The following PRKG1 variants were observed in gnomAD, a reference collection of about 807,000 sequenced individuals.
PRKG1 encodes protein kinase cGMP-dependent 1.
PRKG1 carries 35 observed loss-of-function variants against 88.1 expected under a neutral mutation model. The ratio of observed to expected loss-of-function variants is 0.40; its 90% CI spans 0.30 to 0.53. The LOEUF (loss-of-function observed/expected upper bound fraction) is 0.53. Ranked by LOEUF, PRKG1 falls within the 20% of genes least tolerant of loss-of-function variation. PRKG1 has a pLI of 0.59. For missense variants in PRKG1, 540 were observed against 839.8 expected, an observed-to-expected ratio of 0.64 and a Z score of 4.41; for synonymous variants, 303 against 292.5, an observed-to-expected ratio of 1.04 and a Z score of -0.37.
intron 3 of PRKG1, among the ~76,000 whole-genome samples, chr10:51,775,261 T>A (rs1406246142): frequency 6.6e-6 from 1 of 152,142 alleles, no homozygotes; most frequent in Non-Finnish European, 1.5e-5. Context: ...AACTGGTTGT[T>A]TTAGTGCACA....
chr10:51,172,325 G>A (rs549606753), intron 2 of PRKG1, among the ~76,000 whole-genome samples: 5 of 151,916 alleles, frequency 3.3e-5, no homozygotes, highest in Non-Finnish European at 7.4e-5. Context: ...AACAAAAGGG[G>A]CATAAGCTAT....
intron 2 of PRKG1, chr10:51,302,551 C>A: frequency 1.2e-5 from 1 of 86,414 alleles, no homozygotes; most frequent in Admixed American, 1.7e-4. Context: ...GGTAGCAAAA[C>A]ATCACTTTTT....
At chr10:52,220,159 T>C (rs1042340844) in intron 9 of PRKG1, among the ~76,000 whole-genome samples, 5 of 152,092 alleles carry the variant, frequency 3.3e-5, no homozygotes, top group South Asian at 2.1e-4. Flanking sequence ...GTGAGTAGGA[T>C]TGAAGTATGA....
intron 2 of PRKG1, among the ~76,000 whole-genome samples, chr10:51,276,379 G>A (rs1840118009): frequency 1.3e-5 from 2 of 152,182 alleles, no homozygotes; most frequent in Admixed American, 1.3e-4. Flanking sequence ...GGACATTTGG[G>A]TTGGTTCCAA....
chr10:51,667,630 C>T (rs1840454507), intron 3 of PRKG1, among the ~76,000 whole-genome samples: 2 of 152,158 alleles, frequency 1.3e-5, no homozygotes, highest in Admixed American at 6.5e-5. Flanking sequence ...GAGTGAGCAT[C>T]GTAGAAGTCC....
intron 2 of PRKG1, among the ~76,000 whole-genome samples, chr10:51,261,480 A>G (rs1839702825): frequency 1.3e-5 from 2 of 152,232 alleles, no homozygotes; most frequent in African/African-American, 4.8e-5. Flanking sequence ...CATTTCAGTG[A>G]TAAACAATAT....
intron 5 of PRKG1, among the ~76,000 whole-genome samples, chr10:51,927,445 C>CCA (rs1363268154): frequency 6.6e-6 from 1 of 152,100 alleles, no homozygotes; most frequent in Admixed American, 6.6e-5. Flanking sequence ...TTGGGTATGT[C>CCA]TTTATCAGCA....
intron 1 of PRKG1, among the ~76,000 whole-genome samples, chr10:51,135,019 C>G (rs1429855394): frequency 6.6e-6 from 1 of 152,182 alleles, no homozygotes; most frequent in Non-Finnish European, 1.5e-5. Flanking sequence ...ATCAGACATT[C>G]ATTCCCTGTC....
At chr10:52,100,332 A>T (rs750613284) in intron 7 of PRKG1, among the ~76,000 whole-genome samples, 4 of 152,248 alleles carry the variant, frequency 2.6e-5, no homozygotes, top group Non-Finnish European at 4.4e-5. Context: ...CTAGTTTTCC[A>T]GGAGCACTAA....
At chr10:51,187,268 C>T (rs1837516460) in intron 2 of PRKG1, among the ~76,000 whole-genome samples, 1 of 151,704 alleles carries the variant, frequency 6.6e-6, no homozygotes, top group South Asian at 2.1e-4. Context: ...CTGGACCTTT[C>T]CTGGAAAATG....
intron 3 of PRKG1, among the ~76,000 whole-genome samples, chr10:51,667,024 A>G (rs1840439228): frequency 1.3e-5 from 2 of 151,758 alleles, no homozygotes; most frequent in Non-Finnish European, 2.9e-5. Flanking sequence ...CTGGTCTCGA[A>G]CTCCTGGGCT....
chr10:51,088,915 A>G (rs1293579686), intron 1 of PRKG1, among the ~76,000 whole-genome samples: 1 of 150,578 alleles, frequency 6.6e-6, no homozygotes, highest in African/African-American at 2.5e-5. Flanking sequence ...TTGGAAACCT[A>G]TGTCACTGAG....
intron 3 of PRKG1, among the ~76,000 whole-genome samples, chr10:51,676,016 TC>T (rs1840701128): frequency 6.6e-6 from 1 of 151,908 alleles, no homozygotes; most frequent in Non-Finnish European, 1.5e-5. Flanking sequence ...GTGCTAGTAA[TC>T]CTAGCATTTT....
intron 5 of PRKG1, among the ~76,000 whole-genome samples, chr10:52,013,844 C>A (rs1160951703): frequency 6.6e-6 from 1 of 152,164 alleles, no homozygotes; most frequent in Admixed American, 6.5e-5. Flanking sequence ...ATATCACTCA[C>A]TTTTCTCTTT....
chr10:51,212,142 A>G (rs1838238919), intron 2 of PRKG1, among the ~76,000 whole-genome samples: 2 of 152,112 alleles, frequency 1.3e-5, no homozygotes, highest in Admixed American at 1.3e-4. Context: ...AACAGAACAG[A>G]GCCCTCAGAA....
chr10:51,741,145 G>GAA lies in PRKG1; in HGVS notation c.593-63431_593-63430dup, dbSNP rs35810235. Among the ~76,000 whole-genome samples, 207 of 147,566 alleles carry GAA rather than the reference G, an allele frequency of 1.4e-3. 1 individual carries two copies. The highest frequency in any genetic ancestry group is 4.5e-3 in the African/African-American group (182 of 40,292). ...GGTGGATCTGAATGAAACCTTTGGT[G>GAA]AAAAAAAAAAGACATTGAAATAACT... is the stretch of plus-strand genomic sequence containing the variant. On this transcript the variant is annotated intron_variant, in intron 3 of 17. Transcript: ENST00000373980.
At chr10:51,980,416 C>A (rs1171285464) in intron 5 of PRKG1, among the ~76,000 whole-genome samples, 4 of 151,984 alleles carry the variant, frequency 2.6e-5, no homozygotes, top group African/African-American at 9.7e-5. Flanking sequence ...ATTGATTTTA[C>A]AATATGTGCC....
chr10:52,282,242 C>T lies in PRKG1; in HGVS notation c.1635C>T (p.Ile545=), dbSNP rs562736939. 4.1e-5 allele frequency: 66 copies of T among 1,611,890 alleles called. No homozygotes were observed. The South Asian group carries it at 6.8e-4, about 17-fold the overall frequency. The part of the protein sequence containing the change: ...GTPEYVAPEI[I]LNKGHDISAD... ...CAGAGTATGTAGCCCCAGAGATCAT[C>T]CTGAACAAAGGCCATGACATTTCAG... The change falls in exon 14 of 18, where the codon ATC becomes ATT. Residue 545 remains isoleucine (I), a synonymous_variant. Transcript: ENST00000373980.
At chr10:51,146,121 G>A (rs944108915) in intron 1 of PRKG1, among the ~76,000 whole-genome samples, 7 of 151,792 alleles carry the variant, frequency 4.6e-5, no homozygotes, top group East Asian at 1.9e-4. Flanking sequence ...CCCGGGAGGC[G>A]GAGCTTGCAG....
Sources: allele counts gnomAD v4.1 joint callset (sites outside exome capture counted in the v4.1 genomes callset), GRCh38; gene constraint gnomAD v4.1.1; transcripts MANE v1.5; gene names NCBI Gene and HGNC (gene_info 2026-07-23, HGNC 2026-07-21).